Variants in LSAMP observed in about 807,000 individuals in gnomAD.
The protein encoded by LSAMP is limbic system associated membrane protein.
A neutral mutation model predicts 38.6 loss-of-function variants in LSAMP; 7 were observed. The ratio of observed to expected loss-of-function variants is 0.18; its 90% CI spans 0.10 to 0.34. The LOEUF is 0.34. Ranked by LOEUF, LSAMP falls within the 10% of genes least tolerant of loss-of-function variation. LSAMP has a pLI of 1.00. For synonymous variants in LSAMP, 154 were observed against 166.8 expected, an observed-to-expected ratio of 0.92 and a Z score of 0.59; for missense variants, 313 against 420.0, an observed-to-expected ratio of 0.75 and a Z score of 2.23.
intron 1 of LSAMP, among the ~76,000 whole-genome samples, chr3:116,441,530 T>C (rs1305779699): frequency 6.6e-6 from 1 of 152,216 alleles, no homozygotes; most frequent in Admixed American, 6.5e-5. Flanking sequence ...TAAAGGTTGG[T>C]TTGAAATACC....
intron 1 of LSAMP, among the ~76,000 whole-genome samples, chr3:116,356,853 G>A (rs1173119038): frequency 2.0e-5 from 3 of 152,098 alleles, no homozygotes; most frequent in Non-Finnish European, 2.9e-5. Context: ...GAGTGCAGTG[G>A]CGCCATCTCG....
At chr3:116,150,616 G>A (rs149770207) in intron 1 of LSAMP, among the ~76,000 whole-genome samples, 8 of 152,028 alleles carry the variant, frequency 5.3e-5, no homozygotes, top group Admixed American at 5.3e-4. Flanking sequence ...GTCTGAATGG[G>A]GCTGAGGGCC....
At chr3:116,166,924 A>G (rs547764980) in intron 1 of LSAMP, among the ~76,000 whole-genome samples, 3,098 of 151,042 alleles carry the variant, frequency 0.021, 81 homozygotes, top group African/African-American at 0.068. Flanking sequence ...CCAAGTAGCT[A>G]GGACTACAGG....
At chr3:116,042,430 TC>T (rs375995991) in intron 2 of LSAMP, among the ~76,000 whole-genome samples, 2 of 149,160 alleles carry the variant, frequency 1.3e-5, no homozygotes, top group East Asian at 3.9e-4. Context: ...AAAGAGCATT[TC>T]TTTTTTTTTT....
At chr3:115,844,512 G>C (rs1014307270) in intron 4 of LSAMP, among the ~76,000 whole-genome samples, 1 of 152,194 alleles carries the variant, frequency 6.6e-6, no homozygotes, top group Non-Finnish European at 1.5e-5. Context: ...GGTAATAGTG[G>C]TGCTGTGGGG....
intron 3 of LSAMP, among the ~76,000 whole-genome samples, chr3:115,994,969 T>C (rs961940080): frequency 1.3e-5 from 2 of 152,104 alleles, no homozygotes; most frequent in Non-Finnish European, 2.9e-5. Flanking sequence ...AGAATGTAGA[T>C]GCTGGGCATC....
intron 3 of LSAMP, among the ~76,000 whole-genome samples, chr3:115,903,249 A>G (rs1045323585): frequency 6.6e-6 from 1 of 152,154 alleles, no homozygotes; most frequent in African/African-American, 2.4e-5. Flanking sequence ...ATAAAACCAA[A>G]TACTGCATGT....
At chr3:116,139,006 CATATATA>C (rs1709314285) in intron 1 of LSAMP, among the ~76,000 whole-genome samples, 1 of 151,322 alleles carries the variant, frequency 6.6e-6, no homozygotes. Context: ...GCATTATATA[CATATATA>C]ATATATAATG....
chr3:116,005,261 G>A lies in LSAMP; in HGVS notation c.514+14254C>T, dbSNP rs532196012. Among the ~76,000 whole-genome samples the A allele has an allele frequency of 3.9e-5, 6 of 152,172 alleles. No homozygotes were observed. The South Asian group carries it at 1.2e-3, about 32-fold the overall frequency. On this transcript the variant is annotated intron_variant, in intron 3 of 6. Coordinates refer to ENST00000490035, the MANE Select transcript of LSAMP (RefSeq NM_002338.5). ...CAAACCCAGAAAGGTACCACCTCAGGCAACTGAGATCAATAATAAATTTTC... is the reference window on the plus strand; with the variant it reads ...CAAACCCAGAAAGGTACCACCTCAGACAACTGAGATCAATAATAAATTTTC...
intron 2 of LSAMP, chr3:116,051,067 G>T (rs914335426): frequency 1.3e-5 from 2 of 152,104 alleles, no homozygotes; most frequent in Admixed American, 6.5e-5. Context: ...TAGCAGTGAG[G>T]GACATATTTG....
chr3:116,375,709 A>G (rs1304665969), intron 1 of LSAMP, among the ~76,000 whole-genome samples: 3 of 151,942 alleles, frequency 2.0e-5, no homozygotes, highest in Non-Finnish European at 4.4e-5. Context: ...ACAGTTGAGG[A>G]TCATAAAAAT....
chr3:115,923,841 A>T (rs1464857210), intron 3 of LSAMP, among the ~76,000 whole-genome samples: 1 of 152,172 alleles, frequency 6.6e-6, no homozygotes, highest in Non-Finnish European at 1.5e-5. Context: ...TAAAATATTC[A>T]TAGCACTTTT....
At chr3:115,946,697 A>G (rs1938109120) in intron 3 of LSAMP, among the ~76,000 whole-genome samples, 1 of 152,164 alleles carries the variant, frequency 6.6e-6, no homozygotes, top group Non-Finnish European at 1.5e-5. Flanking sequence ...TTTTGCAAAC[A>G]TTTAAGCAAA....
intron 3 of LSAMP, among the ~76,000 whole-genome samples, chr3:115,963,135 C>T (rs1303431964): frequency 6.6e-6 from 1 of 152,062 alleles, no homozygotes; most frequent in Non-Finnish European, 1.5e-5. Context: ...TGTGTGGGAC[C>T]ACAGGATCTC....
At chr3:116,032,101 G>T (rs1406362149) in intron 2 of LSAMP, among the ~76,000 whole-genome samples, 3 of 152,040 alleles carry the variant, frequency 2.0e-5, no homozygotes, top group African/African-American at 7.2e-5. Flanking sequence ...TTGAATTGAT[G>T]AATATGAGTT....
intron 1 of LSAMP, among the ~76,000 whole-genome samples, chr3:116,283,684 C>A (rs1210428711): frequency 6.6e-6 from 1 of 152,058 alleles, no homozygotes; most frequent in East Asian, 1.9e-4. Flanking sequence ...TTATAATGAA[C>A]CCTATGAATC....
At chr3:116,325,772 T>G (rs1559828831) in intron 1 of LSAMP, among the ~76,000 whole-genome samples, 2 of 152,258 alleles carry the variant, frequency 1.3e-5, no homozygotes, top group South Asian at 4.1e-4. Context: ...AAAAACTGAG[T>G]GTAGAGCTAC....
chr3:116,078,377 C>A (rs879820314), intron 2 of LSAMP, among the ~76,000 whole-genome samples: 4 of 151,266 alleles, frequency 2.6e-5, no homozygotes, highest in African/African-American at 7.3e-5. Flanking sequence ...CAGGCTGGAG[C>A]GCAGTGGCCT....
chr3:115,929,341 A>G (rs773928279), intron 3 of LSAMP, among the ~76,000 whole-genome samples: 1 of 152,206 alleles, frequency 6.6e-6, no homozygotes, highest in Non-Finnish European at 1.5e-5. Context: ...GGTGAGAACT[A>G]TAAATCTAGG....
Sources: allele counts gnomAD v4.1 joint callset (sites outside exome capture counted in the v4.1 genomes callset), GRCh38; gene constraint gnomAD v4.1.1; transcripts MANE v1.5; gene names NCBI Gene and HGNC (gene_info 2026-07-23, HGNC 2026-07-21).